ALMS1: variants seen among roughly 807,000 people sequenced by gnomAD.
ALMS1 encodes ALMS1 centrosome and basal body associated protein, also known as centrosome-associated protein ALMS1.
A neutral mutation model predicts 352.2 loss-of-function variants in ALMS1; 271 were observed. That is an observed-to-expected ratio of 0.77 (90% confidence interval 0.70 to 0.85). ALMS1 has a LOEUF of 0.85. ALMS1 is among the 40% of genes least tolerant of loss of function. ALMS1 has a pLI of 0.00. For synonymous variants in ALMS1, 1,865 were observed against 1,761.2 expected, an observed-to-expected ratio of 1.06 and a Z score of -1.48; for missense variants, 5,445 against 4,870.7, an observed-to-expected ratio of 1.12 and a Z score of -3.51.
At chr2:73,465,317 C>T (rs1672310038) in intron 9 of ALMS1, among the ~76,000 whole-genome samples, 1 of 151,988 alleles carries the variant, frequency 6.6e-6, no homozygotes, top group Non-Finnish European at 1.5e-5. Flanking sequence ...AGAACAGAGC[C>T]CTCAGAAATA....
chr2:73,394,778 A>G (rs1380255421), intron 1 of ALMS1, among the ~76,000 whole-genome samples: 1 of 152,074 alleles, frequency 6.6e-6, no homozygotes, highest in Non-Finnish European at 1.5e-5. Flanking sequence ...TAGTGTACGT[A>G]CACAAACCTA....
At chr2:73,473,757 G>C (rs1270908692) in intron 9 of ALMS1, among the ~76,000 whole-genome samples, 1 of 152,070 alleles carries the variant, frequency 6.6e-6, no homozygotes, top group African/African-American at 2.4e-5. Context: ...TCTTTAGAAG[G>C]ATTCAATAGC....
chr2:73,490,385 A>G lies in ALMS1; in HGVS notation c.8426A>G (p.Glu2809Gly). 1 of 1,613,742 alleles carries G rather than the reference A, an allele frequency of 6.2e-7. No homozygotes were observed. The highest frequency in any genetic ancestry group is 8.5e-7 in the Non-Finnish European group (1 of 1,179,904). Residue 2809 changes from glutamate to glycine, a missense_variant, in exon 10 of 23, where the codon GAA (glutamate) becomes GGA (glycine). Glu to Gly is a moderately conservative substitution (Grantham distance 98, BLOSUM62 -2). Coordinates refer to ENST00000613296, the MANE Select transcript of ALMS1 (RefSeq NM_001378454.1). ...PVDFERSFQE[E>G]KPLERSDFTG... The stretch of plus-strand genomic sequence containing the variant: ...GATTTTGAGCGTTCTTTTCAAGAAG[A>G]AAAACCCTTAGAAAGATCAGATTTT...
At chr2:73,481,050 TC>T (rs1295534852) in intron 9 of ALMS1, among the ~76,000 whole-genome samples, 1 of 151,688 alleles carries the variant, frequency 6.6e-6, no homozygotes, top group Non-Finnish European at 1.5e-5. Flanking sequence ...GATGGTAGTT[TC>T]TTTTGCTGTG....
intron 12 of ALMS1, among the ~76,000 whole-genome samples, chr2:73,542,749 G>A (rs1674216413): frequency 6.6e-6 from 1 of 152,038 alleles, no homozygotes; most frequent in African/African-American, 2.4e-5. Context: ...AATCATGAGT[G>A]AACTCCCATT....
intron 16 of ALMS1, among the ~76,000 whole-genome samples, chr2:73,593,191 G>A (rs6710692): frequency 0.33 from 43,622 of 133,816 alleles, 7,911 homozygotes; most frequent in African/African-American, 0.55. Flanking sequence ...ATGGATTCAG[G>A]AAAAAAAAAA....
intron 10 of ALMS1, among the ~76,000 whole-genome samples, chr2:73,513,752 C>A (rs1226672996): frequency 6.6e-6 from 1 of 152,120 alleles, no homozygotes; most frequent in Non-Finnish European, 1.5e-5. Context: ...TCATGGAAGC[C>A]CTCCATATCC....
At chr2:73,513,134 C>T in intron 10 of ALMS1, among the ~76,000 whole-genome samples, 1 of 152,160 alleles carries the variant, frequency 6.6e-6, no homozygotes, top group East Asian at 1.9e-4. Flanking sequence ...GACCCTAACG[C>T]TCCACTTGGA....
intron 1 of ALMS1, among the ~76,000 whole-genome samples, chr2:73,402,897 A>C (rs1203538503): frequency 6.6e-6 from 1 of 151,966 alleles, no homozygotes; most frequent in Admixed American, 6.6e-5. Flanking sequence ...TTTTTCTTCT[A>C]CTGAGTTGCA....
At chr2:73,467,638 T>C (rs1465728506) in intron 9 of ALMS1, among the ~76,000 whole-genome samples, 1 of 152,070 alleles carries the variant, frequency 6.6e-6, no homozygotes, top group African/African-American at 2.4e-5. Flanking sequence ...ATATGTTCAG[T>C]AGAAGACATG....
At chr2:73,416,343 G>A (rs944043051) in intron 2 of ALMS1, among the ~76,000 whole-genome samples, 2 of 152,118 alleles carry the variant, frequency 1.3e-5, no homozygotes, top group Non-Finnish European at 2.9e-5. Flanking sequence ...AGTGTAGAAG[G>A]GATTGAGGTA....
chr2:73,453,562 G>A lies in ALMS1; in HGVS notation c.7035G>A (p.Arg2345=), dbSNP rs1366393963. 3 of 1,613,770 alleles carry A rather than the reference G, an allele frequency of 1.9e-6. No individual in the cohort carries two copies. Among genetic ancestry groups the A allele is most frequent in the African/African-American group, 2.7e-5 (2 of 74,858 alleles). The change falls in exon 8 of 23, where the codon CGG becomes CGA. Residue 2345 remains arginine, a synonymous_variant. Transcript: ENST00000613296. ...DIGTQTNLKC[R]RGIENWEFIS... ...GCACACAGACGAATTTGAAATGCCGGAGAGGCATTGAAAATTGGGAGTTTA... is the reference window on the plus strand; with the variant it reads ...GCACACAGACGAATTTGAAATGCCGAAGAGGCATTGAAAATTGGGAGTTTA...
At chr2:73,557,071 CA>C (rs1363410998) in intron 13 of ALMS1, 148 bp from the exon 14 acceptor site, 2 of 1,023,576 alleles carry the variant, frequency 2.0e-6, no homozygotes, top group Non-Finnish European at 3.0e-6. Flanking sequence ...ATTCATGTCA[CA>C]GTTTTTACAC....
chr2:73,411,800 G>T (rs1026346801), intron 2 of ALMS1, among the ~76,000 whole-genome samples: 1 of 152,114 alleles, frequency 6.6e-6, no homozygotes, highest in Non-Finnish European at 1.5e-5. Flanking sequence ...AGTGCCTGAA[G>T]TTCTCATATA....
At chr2:73,500,532 C>G (rs371308334) in intron 10 of ALMS1, among the ~76,000 whole-genome samples, 17 of 152,228 alleles carry the variant, frequency 1.1e-4, no homozygotes, top group African/African-American at 3.9e-4. Context: ...GCCTCTGTTA[C>G]TGCTTGTACC....
rs562458850 is a variant in ALMS1 at position 73,439,389 on chromosome 2, A to C, written c.1432+7098A>C. Reference sequence around the variant, plus strand: ...CCCATCTTGACTTCACAAAGTGCTGAGATTACAGGCATGAGCCACCGTACC... The same window carrying C: ...CCCATCTTGACTTCACAAAGTGCTGCGATTACAGGCATGAGCCACCGTACC... On this transcript the variant is annotated intron_variant, in intron 7 of 22. Coordinates refer to ENST00000613296, the MANE Select transcript of ALMS1 (RefSeq NM_001378454.1). Among the ~76,000 whole-genome samples the C allele has an allele frequency of 2.0e-5, 3 of 151,750 alleles. No homozygotes were observed. The South Asian group carries it at 6.2e-4, about 32-fold the overall frequency.
intron 1 of ALMS1, among the ~76,000 whole-genome samples, chr2:73,386,717 C>T (rs1670542745): frequency 6.6e-6 from 1 of 152,070 alleles, no homozygotes; most frequent in Admixed American, 6.6e-5. Context: ...GTTCCCCAGC[C>T]GATAGGAGGG....
chr2:73,392,382 C>T (rs1572895687), intron 1 of ALMS1, among the ~76,000 whole-genome samples: 1 of 151,888 alleles, frequency 6.6e-6, no homozygotes, highest in Non-Finnish European at 1.5e-5. Context: ...CTGTACAATT[C>T]ACCTTTAATT....
chr2:73,487,213 A>G (rs148691209), intron 9 of ALMS1, among the ~76,000 whole-genome samples: 2 of 152,180 alleles, frequency 1.3e-5, no homozygotes, highest in African/African-American at 2.4e-5. Flanking sequence ...GGCTCGCACT[A>G]CTATGCTATG....
Sources: gnomAD v4.1 joint callset for allele counts (sites outside exome capture counted in the v4.1 genomes callset) on GRCh38, gnomAD v4.1.1 for gene constraint, MANE v1.5 for transcripts, NCBI Gene and HGNC (gene_info 2026-07-23, HGNC 2026-07-21) for gene names.